PCDH15: variants seen among roughly 807,000 people sequenced by gnomAD.
The protein encoded by PCDH15 is protocadherin related 15.
A neutral mutation model predicts 178.5 loss-of-function variants in PCDH15; 129 were observed. The ratio of observed to expected loss-of-function variants is 0.72; its 90% CI spans 0.63 to 0.84. The LOEUF (loss-of-function observed/expected upper bound fraction) is 0.84, where lower values mean the gene tolerates loss of function less well. PCDH15 is among the 40% of genes least tolerant of loss of function. PCDH15 has a pLI of 0.00. For missense variants in PCDH15, 2,230 were observed against 2,099.9 expected (o/e 1.06, Z -1.21); for synonymous variants, 800 against 732.0 (o/e 1.09, Z -1.50).
intron 13 of PCDH15, among the ~76,000 whole-genome samples, chr10:54,164,478 C>T (rs531218382): frequency 4.6e-5 from 7 of 152,216 alleles, no homozygotes; most frequent in South Asian, 2.1e-4. Flanking sequence ...ATTGAATTTA[C>T]GTGTGTAAAC....
intron 2 of PCDH15, among the ~76,000 whole-genome samples, chr10:55,486,509 A>G (rs1021301321): frequency 6.6e-6 from 1 of 151,642 alleles, no homozygotes; most frequent in Non-Finnish European, 1.5e-5. Context: ...TTTTATAAAA[A>G]CACACAATAA....
intron 13 of PCDH15, among the ~76,000 whole-genome samples, chr10:54,167,805 C>A (rs12782614): frequency 8.3e-5 from 2 of 24,062 alleles, no homozygotes; most frequent in Non-Finnish European, 1.1e-4. Context: ...TATCTCTGTG[C>A]CCCAATCCCT....
chr10:55,280,629 A>G (rs1842709311), intron 1 of PCDH15, among the ~76,000 whole-genome samples: 1 of 151,522 alleles, frequency 6.6e-6, no homozygotes, highest in Admixed American at 6.6e-5. Flanking sequence ...ATAATGTTAA[A>G]CAGGGAGATG....
At chr10:54,025,563 A>G (rs2093058353) in intron 18 of PCDH15, among the ~76,000 whole-genome samples, 1 of 148,834 alleles carries the variant, frequency 6.7e-6, no homozygotes, top group African/African-American at 2.5e-5. Flanking sequence ...CAGTGGTGCG[A>G]TCTCGGCTCA....
intron 3 of PCDH15, among the ~76,000 whole-genome samples, chr10:54,505,134 T>C (rs2081058997): frequency 6.6e-6 from 1 of 152,140 alleles, no homozygotes; most frequent in South Asian, 2.1e-4. Context: ...TAAATATTAA[T>C]CTGGTAACTT....
At chr10:55,196,523 G>C (rs556655093) in intron 1 of PCDH15, among the ~76,000 whole-genome samples, 1 of 152,016 alleles carries the variant, frequency 6.6e-6, no homozygotes, top group South Asian at 2.1e-4. Flanking sequence ...TATCCTAACA[G>C]CTTCCTGGAT....
chr10:53,978,805 T>C (rs1298710154), intron 21 of PCDH15, among the ~76,000 whole-genome samples: 1 of 152,092 alleles, frequency 6.6e-6, no homozygotes, highest in African/African-American at 2.4e-5. Context: ...TCCACAGATA[T>C]CTAGAGCAGG....
At chr10:55,061,178 A>G (rs943877020) in intron 2 of PCDH15, among the ~76,000 whole-genome samples, 4 of 152,210 alleles carry the variant, frequency 2.6e-5, no homozygotes, top group African/African-American at 9.6e-5. Context: ...CTAATAAAGT[A>G]ATGTTAGGCA....
intron 32 of PCDH15, chr10:53,822,478 G>A (rs764718881): frequency 6.2e-7 from 1 of 1,609,406 alleles, no homozygotes; most frequent in Non-Finnish European, 8.5e-7. Flanking sequence ...ATAGGAGGAG[G>A]AGGGGGAAGG....
intron 1 of PCDH15, among the ~76,000 whole-genome samples, chr10:54,727,215 T>TA (rs139692470): frequency 0.14 from 20,484 of 150,486 alleles, 1,638 homozygotes; most frequent in African/African-American, 0.22. Flanking sequence ...CTCAACAAAT[T>TA]AAAAAAAACA....
intron 2 of PCDH15, among the ~76,000 whole-genome samples, chr10:55,488,201 A>G (rs1840339684): frequency 6.6e-6 from 1 of 151,674 alleles, no homozygotes; most frequent in African/African-American, 2.4e-5. Flanking sequence ...TTTAAAGTCC[A>G]CAATTTAAAA....
chr10:54,926,247 A>G (rs1837623112), intron 2 of PCDH15, among the ~76,000 whole-genome samples: 1 of 152,080 alleles, frequency 6.6e-6, no homozygotes, highest in African/African-American at 2.4e-5. Flanking sequence ...AATGACTTAC[A>G]TGTATTGATT....
intron 2 of PCDH15, among the ~76,000 whole-genome samples, chr10:55,125,482 G>A (rs190786456): frequency 2.0e-5 from 3 of 152,148 alleles, no homozygotes; most frequent in Admixed American, 2.0e-4. Context: ...GGAAGTCAGA[G>A]GGTAAGGGAT....
Position 54,104,733 on chromosome 10 carries a change from A to C in PCDH15, c.1918-14670T>G, listed in dbSNP as rs1039897042. On this transcript the variant is annotated intron_variant, in intron 15 of 37. Coordinates refer to ENST00000644397, the MANE Select transcript of PCDH15 (RefSeq NM_001384140.1). The stretch of plus-strand genomic sequence containing the variant: ...GCGCCTGTAGTCCCAGCTACTCAGG[A>C]GGCTGAGGCAGGAGAACGGCATGAA... Among the ~76,000 whole-genome samples, 4 of 151,172 alleles carry C rather than the reference A, an allele frequency of 2.6e-5. No homozygotes were observed. The Admixed American group carries it at 2.6e-4, about 10-fold the overall frequency.
At chr10:53,917,804 T>TG (rs1441655666) in intron 25 of PCDH15, among the ~76,000 whole-genome samples, 1 of 152,144 alleles carries the variant, frequency 6.6e-6, no homozygotes, top group East Asian at 1.9e-4. Context: ...GCTTGGATCA[T>TG]GGGGGTGGAC....
intron 2 of PCDH15, among the ~76,000 whole-genome samples, chr10:54,900,943 G>A (rs1954628461): frequency 6.6e-6 from 1 of 152,174 alleles, no homozygotes; most frequent in Non-Finnish European, 1.5e-5. Context: ...ATTAAAAGAT[G>A]CAGCACTAGA....
intron 9 of PCDH15, among the ~76,000 whole-genome samples, chr10:54,234,823 A>AT (rs1337737383): frequency 2.0e-5 from 3 of 152,210 alleles, no homozygotes; most frequent in African/African-American, 7.2e-5. Context: ...TTGTAGGCTG[A>AT]TGAAACTTTC....
At chr10:55,155,816 G>T (rs1414956978) in intron 2 of PCDH15, among the ~76,000 whole-genome samples, 1 of 125,662 alleles carries the variant, frequency 8.0e-6, no homozygotes, top group East Asian at 2.6e-4. Context: ...AAGAAGCAAT[G>T]ATCCTTACAT....
chr10:55,175,492 G>A (rs549478537), intron 1 of PCDH15, among the ~76,000 whole-genome samples: 10 of 151,636 alleles, frequency 6.6e-5, no homozygotes, highest in Non-Finnish European at 7.4e-5. Flanking sequence ...CTGAAACTCC[G>A]TCTCTACTAA....
Sources: allele counts gnomAD v4.1 joint callset (sites outside exome capture counted in the v4.1 genomes callset), GRCh38; gene constraint gnomAD v4.1.1; transcripts MANE v1.5; gene names NCBI Gene and HGNC (gene_info 2026-07-23, HGNC 2026-07-21).